Variants in NHSL1 observed in about 807,000 individuals in gnomAD.
NHSL1 encodes NHS-like protein 1.
Under a neutral mutation model 95.0 loss-of-function variants are expected in NHSL1, and 48 were observed. The ratio of observed to expected loss-of-function variants is 0.51; its 90% CI spans 0.40 to 0.64. NHSL1 has a LOEUF of 0.64. Ranked by LOEUF, NHSL1 falls within the 30% of genes least tolerant of loss-of-function variation. NHSL1 has a pLI of 0.00. For missense variants in NHSL1, 1,971 were observed against 2,077.7 expected (o/e 0.95, Z 1.00); for synonymous variants, 783 against 833.9 (o/e 0.94, Z 1.05).
Position 138,692,472 on chromosome 6 carries a change from T to C in NHSL1, c.96+4A>G. 1 of 203,612 alleles carries C rather than the reference T, an allele frequency of 4.9e-6. No homozygotes were observed. Among genetic ancestry groups the C allele is most frequent in the East Asian group, 1.8e-4 (1 of 5,688 alleles). 12.6% of individuals were successfully genotyped at this position (203,612 alleles called of 1,614,324 possible). ...TCCCCTCCCCCGGCCCGCCGGCCAC[T>C]CACGGATTTTCACTCGGCGGTGGTC... On this transcript the variant is annotated splice_donor_region_variant and intron_variant, in intron 1 of 3. Transcript: ENST00000491526. The surrounding 1 kb of genome is among the most constrained non-coding windows in gnomAD (Gnocchi z 4.0).
At position 138,561,680 on chromosome 6, in the gene NHSL1, G is replaced by C. The variant is rs78757492; in HGVS notation, c.202+10030C>G. Among the ~76,000 whole-genome samples, 113 of 152,242 alleles carry C rather than the reference G, an allele frequency of 7.4e-4. 2 individuals are homozygous for C. In the East Asian group the frequency reaches 0.021, roughly 29 times the overall value. ...CTCCAAACACAAGAACCCACGATGT[G>C]CCCGCCACATGAGGCACACGCCCAA... is the stretch of plus-strand genomic sequence containing the variant. On this transcript the variant is annotated intron_variant, in intron 1 of 6. Coordinates refer to the NHSL1 transcript ENST00000427025.
At chr6:138,557,274 A>T (rs997516975) in intron 1 of NHSL1, among the ~76,000 whole-genome samples, 1 of 152,214 alleles carries the variant, frequency 6.6e-6, no homozygotes, top group African/African-American at 2.4e-5. Context: ...TTTGCTGACA[A>T]ATTCAACCAC....
At chr6:138,443,006 G>A (rs888023197) in intron 4 of NHSL1, among the ~76,000 whole-genome samples, 1 of 151,744 alleles carries the variant, frequency 6.6e-6, no homozygotes, top group South Asian at 2.1e-4. Flanking sequence ...TCCTCAAAAA[G>A]TTATTTTCAA....
chr6:138,597,270 G>A (rs1172267096), intron 1 of NHSL1, among the ~76,000 whole-genome samples: 3 of 152,152 alleles, frequency 2.0e-5, no homozygotes, highest in Non-Finnish European at 2.9e-5. Context: ...GTTAGTTTCC[G>A]AAGTTTTGAT....
chr6:138,550,066 C>G (rs1034650765), upstream of NHSL1, among the ~76,000 whole-genome samples: 1 of 151,928 alleles, frequency 6.6e-6, no homozygotes, highest in Non-Finnish European at 1.5e-5. Context: ...ATGGCGAAAC[C>G]CCATCTCTAC....
Position 138,457,938 on chromosome 6 carries a change from G to A in NHSL1, c.340-10745C>T, listed in dbSNP as rs374286327. On this transcript the variant is annotated intron_variant, in intron 3 of 7. Transcript: ENST00000343505. ...CAGGAGAATCTCTTGAACCCAGGAGGTGGAGGTTGTGGTGAGTCAAGATTG... is the reference window on the plus strand; with the variant it reads ...CAGGAGAATCTCTTGAACCCAGGAGATGGAGGTTGTGGTGAGTCAAGATTG... Among the ~76,000 whole-genome samples the A allele has an allele frequency of 4.0e-5, 6 of 151,626 alleles. No homozygotes were observed. The East Asian group carries it at 1.2e-3, about 29-fold the overall frequency.
chr6:138,537,253 C>T (rs1474600257), intron 1 of NHSL1, among the ~76,000 whole-genome samples: 1 of 152,194 alleles, frequency 6.6e-6, no homozygotes, highest in Non-Finnish European at 1.5e-5. Context: ...GCTGTTAGAG[C>T]GGTATCAGGA....
chr6:138,496,203 G>T lies in NHSL1; in HGVS notation c.211+16C>A. On this transcript the variant is annotated intron_variant, in intron 2 of 7. Coordinates refer to ENST00000343505, the MANE Select transcript of NHSL1 (RefSeq NM_001144060.2). ...AGTAACCCAAGAAAATAAGCTCACAGAGGATGCCATCTTACCCCTCAGTAC... is the reference window on the plus strand; with the variant it reads ...AGTAACCCAAGAAAATAAGCTCACATAGGATGCCATCTTACCCCTCAGTAC... The T allele has an allele frequency of 6.4e-7, 1 of 1,550,748 alleles. No homozygotes were observed. Among genetic ancestry groups the T allele is most frequent in the East Asian group, 2.4e-5 (1 of 40,904 alleles).
At chr6:138,606,295 C>T (rs1784432862) in intron 1 of NHSL1, among the ~76,000 whole-genome samples, 1 of 152,214 alleles carries the variant, frequency 6.6e-6, no homozygotes, top group Admixed American at 6.5e-5. Context: ...TCATTTCCAT[C>T]TGCGATAGAG....
upstream of NHSL1, among the ~76,000 whole-genome samples, chr6:138,575,341 T>A (rs144847242): frequency 8.5e-5 from 13 of 152,262 alleles, no homozygotes; most frequent in East Asian, 2.5e-3. Context: ...CCCAACCCTG[T>A]ACACTTCAAG....
rs754360427 is a variant in NHSL1, at chr6:138,477,147, A to G, written c.212-3714T>C. ...GATCAGAGTGAAACTTGTAAAATAAACCAATATAAACTATTACCATTTGCA... is the reference window on the plus strand; with the variant it reads ...GATCAGAGTGAAACTTGTAAAATAAGCCAATATAAACTATTACCATTTGCA... On this transcript the variant is annotated intron_variant, in intron 2 of 7. Transcript: ENST00000343505. Among the ~76,000 whole-genome samples the G allele has an allele frequency of 7.9e-5, 12 of 152,316 alleles. No homozygotes were observed. The South Asian group carries it at 1.9e-3, about 24-fold the overall frequency.
At chr6:138,448,527 C>A (rs6928718) in intron 3 of NHSL1, among the ~76,000 whole-genome samples, 1 of 152,098 alleles carries the variant, frequency 6.6e-6, no homozygotes, top group Non-Finnish European at 1.5e-5. Flanking sequence ...CCACATACCC[C>A]CAAACGAGGG....
At chr6:138,473,829 G>C in intron 2 of NHSL1, among the ~76,000 whole-genome samples, 1 of 150,742 alleles carries the variant, frequency 6.6e-6, no homozygotes, top group Admixed American at 6.8e-5. Flanking sequence ...ATTATGTGAT[G>C]ATATTATTCC....
rs1428493218 is a variant in NHSL1 at position 138,617,703 on chromosome 6, T to C, written c.96+74773A>G. 2.6e-5 allele frequency among the ~76,000 whole-genome samples: 4 copies of C among 152,222 alleles called. No homozygotes were observed. In the East Asian group the frequency reaches 7.7e-4, roughly 29 times the overall value. On this transcript the variant is annotated intron_variant, in intron 1 of 3. Coordinates refer to the NHSL1 transcript ENST00000491526. ...GATACTAGACGACTATCAGCTAAGC[T>C]TGACAGAGCTTCTGAGAAGGTCAAG...
rs1775707154 is a variant in NHSL1, at chr6:138,431,939, G to A, written c.2406C>T (p.Thr802=). The part of the protein sequence containing the change: ...DPGNPAGGCS[T]SSGVPTGNGP... ...CGTTCCCAGTGGGCACCCCACTGCT[G>A]GTTGAACAGCCCCCTGCCGGGTTCC... is the stretch of plus-strand genomic sequence containing the variant. Residue 802 remains threonine, a synonymous_variant, in exon 6 of 8, where the codon ACC becomes ACT. Coordinates refer to ENST00000343505, the MANE Select transcript of NHSL1 (RefSeq NM_001144060.2). This position sits in a 1 kb window ranked among gnomAD's most constrained non-coding sequence, Gnocchi z 4.0. 2 of 1,551,736 alleles carry A rather than the reference G, an allele frequency of 1.3e-6. No individual in the cohort carries two copies. Among genetic ancestry groups the A allele is most frequent in the South Asian group, 1.2e-5 (1 of 84,070 alleles).
At chr6:138,520,546 T>A (rs1038090778) in intron 1 of NHSL1, among the ~76,000 whole-genome samples, 3 of 152,138 alleles carry the variant, frequency 2.0e-5, no homozygotes, top group Non-Finnish European at 4.4e-5. Context: ...CTCCTCGGCC[T>A]CCCAAAGTGC....
chr6:138,654,692 T>G (rs1785133863), intron 1 of NHSL1, among the ~76,000 whole-genome samples: 1 of 152,126 alleles, frequency 6.6e-6, no homozygotes, highest in Non-Finnish European at 1.5e-5. Context: ...TCCCACATAT[T>G]TTGTTTTTTA....
At chr6:138,677,623 GAAA>G (rs1437351895) in intron 1 of NHSL1, among the ~76,000 whole-genome samples, 6 of 152,144 alleles carry the variant, frequency 3.9e-5, no homozygotes, top group African/African-American at 1.4e-4. Flanking sequence ...GAACCCTCTG[GAAA>G]TTTAGTGTTG....
intron 1 of NHSL1, among the ~76,000 whole-genome samples, chr6:138,522,690 G>T (rs1781733976): frequency 6.6e-6 from 1 of 152,044 alleles, no homozygotes; most frequent in Admixed American, 6.6e-5. Flanking sequence ...GCGCACATGT[G>T]GTTTCAGCTA....
Sources: gnomAD v4.1 joint callset for allele counts (sites outside exome capture counted in the v4.1 genomes callset) on GRCh38, gnomAD v4.1.1 for gene constraint, Gnocchi (gnomAD v3.1) non-coding constraint, MANE v1.5 for transcripts, NCBI Gene and HGNC (gene_info 2026-07-23, HGNC 2026-07-21) for gene names.